The following BAZ1A variants were observed in gnomAD, a reference collection of about 807,000 sequenced individuals.
The protein encoded by BAZ1A is bromodomain adjacent to zinc finger domain protein 1A.
Under a neutral mutation model 185.2 loss-of-function variants are expected in BAZ1A, and 50 were observed. That is an observed-to-expected ratio of 0.27 (90% CI 0.22 to 0.34). BAZ1A has a LOEUF of 0.34. Among genes scored for constraint, BAZ1A ranks in the 10% least tolerant of loss-of-function variants. The pLI is 1.00. For synonymous variants in BAZ1A, 571 were observed against 615.6 expected, an observed-to-expected ratio of 0.93 and a Z score of 1.07; for missense variants, 1,356 against 1,839.9, an observed-to-expected ratio of 0.74 and a Z score of 4.81.
Position 34,861,810 on chromosome 14 carries a change from CAT to C in BAZ1A, c.392+232_392+233del, listed in dbSNP as rs374622984. ...TTGTGCACGTTTGTTACATAAGACA[CAT>C]GTTATATATACACATACAGACGCAT... On this transcript the variant is annotated intron_variant, in intron 3 of 26. Coordinates refer to ENST00000360310, the MANE Select transcript of BAZ1A (RefSeq NM_013448.3). Among the ~76,000 whole-genome samples, 236 of 152,222 alleles carry C rather than the reference CAT, an allele frequency of 1.6e-3. 1 individual carries two copies. The highest frequency in any genetic ancestry group is 4.5e-3 in the African/African-American group (187 of 41,540).
In BAZ1A at chr14:34,840,811, T is replaced by C. The variant is rs184293292; in HGVS notation, c.393-14655A>G. Among the ~76,000 whole-genome samples the C allele has an allele frequency of 2.0e-5, 3 of 151,974 alleles. No individual in the cohort carries two copies. In the East Asian group the frequency reaches 5.8e-4, roughly 29 times the overall value. ...AACAAACAAACAAAAAACTTATACT[T>C]ATTACTCCCTTCTTAAATTCTTCTA... On this transcript the variant is annotated intron_variant, in intron 3 of 26. Transcript: ENST00000360310.
intron 3 of BAZ1A, among the ~76,000 whole-genome samples, chr14:34,830,616 T>G (rs1448819591): frequency 6.6e-6 from 1 of 151,926 alleles, no homozygotes; most frequent in Non-Finnish European, 1.5e-5. Context: ...GTTATAAAAT[T>G]AAAACTGTAC....
chr14:34,783,596 G>T (rs567563929), intron 15 of BAZ1A, among the ~76,000 whole-genome samples, 166 bp downstream of exon 15: 1 of 152,118 alleles, frequency 6.6e-6, no homozygotes, highest in South Asian at 2.1e-4. Flanking sequence ...CAAAGTGCTG[G>T]GATTGCAGGC....
At chr14:34,773,803 T>C (rs1879400389) in intron 19 of BAZ1A, 77 bp from the exon 20 acceptor site, 2 of 1,325,850 alleles carry the variant, frequency 1.5e-6, no homozygotes, top group Non-Finnish European at 1.1e-6. Flanking sequence ...TCAATATGCA[T>C]ATAAAATCAA....
At chr14:34,797,879 C>T (rs528002583) in intron 9 of BAZ1A, among the ~76,000 whole-genome samples, 14 of 152,344 alleles carry the variant, frequency 9.2e-5, no homozygotes, top group African/African-American at 2.9e-4. Context: ...TCGCCTCACC[C>T]GGGAAGTGCA....
At chr14:34,801,640 G>C (rs1881568211) in intron 7 of BAZ1A, among the ~76,000 whole-genome samples, 1 of 152,168 alleles carries the variant, frequency 6.6e-6, no homozygotes, top group South Asian at 2.1e-4. Flanking sequence ...CGGGCACAGT[G>C]GCTCATGCCT....
intron 16 of BAZ1A, 104 bp downstream of exon 16, chr14:34,783,015 A>G: frequency 1.1e-6 from 1 of 899,928 alleles, no homozygotes; most frequent in South Asian, 1.5e-5. Flanking sequence ...TATAATAAAA[A>G]GACAACTTTT....
At chr14:34,873,331 C>A (rs992203368) in intron 2 of BAZ1A, among the ~76,000 whole-genome samples, 22 of 152,074 alleles carry the variant, frequency 1.4e-4, no homozygotes, top group African/African-American at 4.8e-4. Context: ...GAGGATAAAG[C>A]ATAAGAAAAA....
In BAZ1A at chr14:34,771,640, C is replaced by T; in HGVS notation, c.3172G>A (p.Glu1058Lys). Residue 1058 changes from glutamate to lysine, a missense_variant, in exon 21 of 27, where the codon GAA (glutamate) becomes AAA (lysine). This residue lies in a region of BAZ1A where 434 missense variants were observed against 561.7 expected (regional missense o/e 0.77). Coordinates refer to ENST00000360310, the MANE Select transcript of BAZ1A (RefSeq NM_013448.3). ...VKDRLLGIKT[E>K]TPSTVSTNAS... is the part of the protein sequence containing the mutation. ...TTTGTTGATACAGTACTTGGAGTTT[C>T]TGTTTTTATCCCCAAAAGTCTACAA... 6.2e-7 allele frequency: 1 copy of T among 1,612,770 alleles called. No homozygotes were observed.
chr14:34,874,896 A>C lies in BAZ1A; in HGVS notation c.-58-234T>G, dbSNP rs1594927502. 4.7e-4 allele frequency: 100 copies of C among 211,002 alleles called. No individual in the cohort carries two copies. Among genetic ancestry groups the C allele is most frequent in the Middle Eastern group, 1.6e-3 (1 of 610 alleles). The allele number at this position is 211,002 out of a possible 1,614,324, so 13.1% of individuals were successfully genotyped here. ...CCTCTCGTCCTGCCGCCGCCTCACA[A>C]TGGGGCAGGACGCCCCGCCGCGGGG... is the stretch of plus-strand genomic sequence containing the variant. On this transcript the variant is annotated intron_variant, in intron 1 of 26. Transcript: ENST00000360310. This position sits in a 1 kb window ranked among gnomAD's most constrained non-coding sequence, Gnocchi z 4.7.
At chr14:34,833,398 C>T (rs1002304302) in intron 3 of BAZ1A, among the ~76,000 whole-genome samples, 4 of 152,014 alleles carry the variant, frequency 2.6e-5, no homozygotes, top group South Asian at 2.1e-4. Context: ...CGTGGTGGCG[C>T]GCGCCTATAA....
At chr14:34,867,246 G>A (rs1313269419) in intron 2 of BAZ1A, among the ~76,000 whole-genome samples, 2 of 152,022 alleles carry the variant, frequency 1.3e-5, no homozygotes, top group Admixed American at 6.6e-5. Flanking sequence ...GCAACAGAGC[G>A]AGACTCTGTC....
intron 3 of BAZ1A, among the ~76,000 whole-genome samples, chr14:34,839,818 C>T (rs58587072): frequency 5.5e-4 from 71 of 129,946 alleles, no homozygotes; most frequent in Admixed American, 2.7e-3. Flanking sequence ...CCAGCCTGGG[C>T]GACAAAGCGA....
At chr14:34,758,876 A>C (rs771254539) in intron 24 of BAZ1A, 30 bp from the exon 25 acceptor site, 3 of 1,606,262 alleles carry the variant, frequency 1.9e-6, no homozygotes, top group Non-Finnish European at 2.5e-6. Flanking sequence ...ATTTTAGGTG[A>C]TAACAAAGCA....
At chr14:34,797,430 G>C (rs1257793053) in intron 9 of BAZ1A, among the ~76,000 whole-genome samples, 1 of 152,024 alleles carries the variant, frequency 6.6e-6, no homozygotes, top group African/African-American at 2.4e-5. Context: ...GTGGTGGTGG[G>C]CACTTCTAGT....
chr14:34,847,424 T>C (rs1242739629), intron 3 of BAZ1A, among the ~76,000 whole-genome samples: 1 of 152,156 alleles, frequency 6.6e-6, no homozygotes, highest in Non-Finnish European at 1.5e-5. Context: ...GAAAGCTTTC[T>C]TTCTGAAAAA....
At position 34,752,737 on chromosome 14, in the gene BAZ1A, G is replaced by GA. The variant is rs896333084; in HGVS notation, c.*770dup. 2.0e-5 allele frequency: 3 copies of GA among 151,954 alleles called. No homozygotes were observed. Among genetic ancestry groups the GA allele is most frequent in the East Asian group, 3.9e-4 (2 of 5,178 alleles). 9.4% of individuals were successfully genotyped at this position (151,954 alleles called of 1,614,324 possible). ...AAAATTAGAGAATTCCAGATTATTTGAAAAAATGTTATTTTATTTGTACAG... is the reference window on the plus strand; with the variant it reads ...AAAATTAGAGAATTCCAGATTATTTGAAAAAAATGTTATTTTATTTGTACAG... On this transcript the variant is annotated 3_prime_UTR_variant, in exon 27 of 27. Transcript: ENST00000360310.
At chr14:34,765,573 C>G (rs1388063851) in intron 21 of BAZ1A, among the ~76,000 whole-genome samples, 1 of 152,150 alleles carries the variant, frequency 6.6e-6, no homozygotes, top group Non-Finnish European at 1.5e-5. Context: ...AAATCTTGAG[C>G]TAATTTTAAA....
At chr14:34,851,512 T>TCA (rs2042596328) in intron 3 of BAZ1A, among the ~76,000 whole-genome samples, 2 of 152,120 alleles carry the variant, frequency 1.3e-5, no homozygotes, top group South Asian at 4.1e-4. Flanking sequence ...TGTTCCTTTG[T>TCA]TGTATGATTT....
Sources: gnomAD v4.1 joint callset for allele counts (sites outside exome capture counted in the v4.1 genomes callset) on GRCh38, gnomAD v4.1.1 for gene constraint, gnomAD v4.1.1 regional missense constraint, Gnocchi (gnomAD v3.1) non-coding constraint, MANE v1.5 for transcripts, NCBI Gene and HGNC (gene_info 2026-07-23, HGNC 2026-07-21) for gene names.